The following VWC2L variants were observed in gnomAD, a reference collection of about 807,000 sequenced individuals.
VWC2L encodes the protein von Willebrand factor C domain containing 2 like.
Under a neutral mutation model 21.6 loss-of-function variants are expected in VWC2L, and 10 were observed. That is an observed-to-expected ratio of 0.46 (90% CI 0.29 to 0.78). The LOEUF is 0.78. VWC2L is among the 30% of genes least tolerant of loss of function. The pLI, the probability that VWC2L is intolerant of heterozygous loss-of-function variation, is 0.10. For synonymous variants in VWC2L, 96 were observed against 94.3 expected (o/e 1.02, Z -0.10); for missense variants, 209 against 277.1 (o/e 0.75, Z 1.74).
At chr2:214,566,693 C>G (rs1690067612) in intron 3 of VWC2L, among the ~76,000 whole-genome samples, 1 of 152,140 alleles carries the variant, frequency 6.6e-6, no homozygotes, top group Non-Finnish European at 1.5e-5. Context: ...CCAGCAATAG[C>G]AATCTCATCA....
At chr2:214,414,824 C>T (rs1036113743) in intron 2 of VWC2L, 1 of 488,652 alleles carries the variant, frequency 2.0e-6, no homozygotes, top group African/African-American at 2.0e-5. Context: ...TTGGGGCATA[C>T]CTAACACCTT....
chr2:214,546,937 T>C (rs1237892273), intron 3 of VWC2L, among the ~76,000 whole-genome samples: 2 of 152,182 alleles, frequency 1.3e-5, no homozygotes, highest in Non-Finnish European at 2.9e-5. Context: ...AAATAAATGC[T>C]ACACTTACTG....
At chr2:214,486,234 G>C (rs746240183) in intron 3 of VWC2L, among the ~76,000 whole-genome samples, 4 of 152,194 alleles carry the variant, frequency 2.6e-5, no homozygotes. Flanking sequence ...CCATAGAAAA[G>C]TTAAGTGGCT....
intron 3 of VWC2L, among the ~76,000 whole-genome samples, chr2:214,496,258 CTCATA>C (rs1459186845): frequency 1.0e-5 from 1 of 95,902 alleles, no homozygotes; most frequent in Non-Finnish European, 2.5e-5. Context: ...TGGGACAACT[CTCATA>C]TAAGTAACTC....
At chr2:214,451,600 T>C (rs2126184880) in intron 3 of VWC2L, among the ~76,000 whole-genome samples, 1 of 152,272 alleles carries the variant, frequency 6.6e-6, no homozygotes, top group South Asian at 2.1e-4. Flanking sequence ...ATGGCATTTT[T>C]TAATAACAAA....
intron 3 of VWC2L, among the ~76,000 whole-genome samples, chr2:214,463,717 A>G (rs984250452): frequency 6.6e-6 from 1 of 152,042 alleles, no homozygotes; most frequent in Non-Finnish European, 1.5e-5. Flanking sequence ...TTATTTTAGT[A>G]GTTGCTTTGA....
chr2:214,538,791 C>A (rs977648137), intron 3 of VWC2L, among the ~76,000 whole-genome samples: 1 of 151,882 alleles, frequency 6.6e-6, no homozygotes, highest in African/African-American at 2.4e-5. Flanking sequence ...ATTTTGATAC[C>A]GTACTTTGTC....
chr2:214,547,282 CCTCCTGGA>C (rs1689723638), intron 3 of VWC2L, among the ~76,000 whole-genome samples: 1 of 152,060 alleles, frequency 6.6e-6, no homozygotes, highest in Non-Finnish European at 1.5e-5. Flanking sequence ...GAGTTTACAT[CCTCCTGGA>C]ATCCTGGAAT....
chr2:214,544,560 C>T (rs574292255), intron 3 of VWC2L, among the ~76,000 whole-genome samples: 5 of 152,194 alleles, frequency 3.3e-5, no homozygotes, highest in African/African-American at 7.2e-5. Context: ...ATATAGGATG[C>T]CATCCTCATT....
intron 3 of VWC2L, among the ~76,000 whole-genome samples, chr2:214,492,910 A>G (rs1261449049): frequency 1.3e-5 from 2 of 152,158 alleles, no homozygotes; most frequent in Non-Finnish European, 2.9e-5. Context: ...GCTTTTGCTC[A>G]CTCAGGGAGC....
intron 2 of VWC2L, 193 bp downstream of exon 2, chr2:214,414,776 A>G: frequency 1.6e-6 from 1 of 632,720 alleles, no homozygotes; most frequent in Non-Finnish European, 2.6e-6. Flanking sequence ...ATATTTGTTA[A>G]GTTGCACAAT....
chr2:214,444,576 G>T (rs981771978), intron 3 of VWC2L, among the ~76,000 whole-genome samples: 1 of 151,956 alleles, frequency 6.6e-6, no homozygotes, highest in Non-Finnish European at 1.5e-5. Context: ...AACATTTCTT[G>T]TGAAAATGTT....
chr2:214,551,798 T>TA, intron 3 of VWC2L, among the ~76,000 whole-genome samples: 1 of 152,338 alleles, frequency 6.6e-6, no homozygotes, highest in East Asian at 1.9e-4. Context: ...TTCCTCTTCA[T>TA]ACCACAATAG....
intron 2 of VWC2L, among the ~76,000 whole-genome samples, chr2:214,430,575 T>A (rs904505998): frequency 1.1e-4 from 17 of 152,200 alleles, no homozygotes; most frequent in African/African-American, 3.4e-4. Context: ...TGAATTGTAG[T>A]TTATTACCTA....
intron 3 of VWC2L, among the ~76,000 whole-genome samples, chr2:214,451,801 G>A (rs1352837340): frequency 1.3e-5 from 2 of 152,094 alleles, no homozygotes; most frequent in Admixed American, 6.5e-5. Context: ...TTCTGGATAT[G>A]AGTCATGGCA....
chr2:214,419,052 A>T (rs574486121), intron 2 of VWC2L, among the ~76,000 whole-genome samples: 1 of 152,206 alleles, frequency 6.6e-6, no homozygotes, highest in African/African-American at 2.4e-5. Context: ...ATTGATCCAC[A>T]TGTGTCACCT....
At chr2:214,567,724 T>C (rs1349249266) in intron 3 of VWC2L, among the ~76,000 whole-genome samples, 2 of 152,272 alleles carry the variant, frequency 1.3e-5, no homozygotes, top group South Asian at 2.1e-4. Context: ...AAGATGGACT[T>C]CTGGGATGGA....
At chr2:214,498,165 T>C (rs1574598560) in intron 3 of VWC2L, among the ~76,000 whole-genome samples, 2 of 152,110 alleles carry the variant, frequency 1.3e-5, no homozygotes, top group East Asian at 1.9e-4. Context: ...CATTTATCAC[T>C]CCACCCACCT....
At chr2:214,486,554 G>A (rs1218902252) in intron 3 of VWC2L, among the ~76,000 whole-genome samples, 3 of 152,226 alleles carry the variant, frequency 2.0e-5, no homozygotes, top group South Asian at 4.2e-4. Flanking sequence ...CTGCGTTGAT[G>A]AGTAAAAAAT....
Sources: allele counts gnomAD v4.1 joint callset (sites outside exome capture counted in the v4.1 genomes callset), GRCh38; gene constraint gnomAD v4.1.1; transcripts MANE v1.5; gene names NCBI Gene and HGNC (gene_info 2026-07-23, HGNC 2026-07-21).